Variants in BMP7 observed in about 807,000 individuals in gnomAD.
The protein encoded by BMP7 is bone morphogenetic protein 7.
In BMP7, 12 loss-of-function variants were observed where a neutral mutation model predicts 41.2. The observed-to-expected ratio is 0.29, with a 90% CI of 0.19 to 0.47. The LOEUF (loss-of-function observed/expected upper bound fraction) is 0.47, where lower values mean the gene tolerates loss of function less well. Ranked by LOEUF, BMP7 falls within the 20% of genes least tolerant of loss-of-function variation. The pLI, the probability that BMP7 is intolerant of heterozygous loss-of-function variation, is 0.99. For missense variants in BMP7, 467 were observed against 606.0 expected, an observed-to-expected ratio of 0.77 and a Z score of 2.41; for synonymous variants, 248 against 250.0, an observed-to-expected ratio of 0.99 and a Z score of 0.07.
chr20:57,200,460 TG>T (rs1275965312), intron 3 of BMP7, among the ~76,000 whole-genome samples: 2 of 152,092 alleles, frequency 1.3e-5, no homozygotes, highest in Non-Finnish European at 2.9e-5. Flanking sequence ...TGACTGTGTC[TG>T]GGGGGAATGA....
chr20:57,188,866 G>T (rs542645648), intron 3 of BMP7, among the ~76,000 whole-genome samples: 1 of 152,228 alleles, frequency 6.6e-6, no homozygotes, highest in South Asian at 2.1e-4. Flanking sequence ...AGTGAGGAAG[G>T]CCTTTGAGCT....
At chr20:57,263,305 A>G (rs2066161064) in intron 1 of BMP7, among the ~76,000 whole-genome samples, 1 of 152,222 alleles carries the variant, frequency 6.6e-6, no homozygotes, top group Non-Finnish European at 1.5e-5. Flanking sequence ...TGTCCTTTCA[A>G]GATGAAAGAA....
At chr20:57,222,945 G>A (rs953757057) in intron 2 of BMP7, among the ~76,000 whole-genome samples, 1 of 151,550 alleles carries the variant, frequency 6.6e-6, no homozygotes, top group Non-Finnish European at 1.5e-5. Context: ...GACAATTGTG[G>A]TCTGGACTAC....
chr20:57,245,335 GT>G (rs958788259), intron 1 of BMP7, among the ~76,000 whole-genome samples: 1 of 151,698 alleles, frequency 6.6e-6, no homozygotes, highest in South Asian at 2.1e-4. Flanking sequence ...CAAAAAAGTG[GT>G]GTTTTTTTTT....
intron 4 of BMP7, among the ~76,000 whole-genome samples, chr20:57,180,531 A>G (rs1984056738): frequency 6.6e-6 from 1 of 152,104 alleles, no homozygotes; most frequent in African/African-American, 2.4e-5. Flanking sequence ...TGGGTCTGTT[A>G]CTATGTATGG....
At chr20:57,257,137 C>A (rs1162180430) in intron 1 of BMP7, among the ~76,000 whole-genome samples, 2 of 152,124 alleles carry the variant, frequency 1.3e-5, no homozygotes, top group Non-Finnish European at 2.9e-5. Context: ...ACCCTGAACC[C>A]ACGATAGAGC....
intron 2 of BMP7, among the ~76,000 whole-genome samples, chr20:57,209,938 G>T (rs1381385931): frequency 6.6e-6 from 1 of 152,128 alleles, no homozygotes; most frequent in South Asian, 2.1e-4. Flanking sequence ...CTAGGTGAGG[G>T]GGCAAGCCTG....
intron 2 of BMP7, among the ~76,000 whole-genome samples, chr20:57,220,477 T>C (rs1271934968): frequency 1.3e-5 from 2 of 152,216 alleles, no homozygotes; most frequent in African/African-American, 4.8e-5. Flanking sequence ...TGTTAATACA[T>C]TTGGAAAAAT....
intron 1 of BMP7, among the ~76,000 whole-genome samples, chr20:57,235,115 A>G (rs975323809): frequency 6.6e-6 from 1 of 152,206 alleles, no homozygotes; most frequent in African/African-American, 2.4e-5. Flanking sequence ...AGACCTGACT[A>G]TGGAATCACA....
intron 1 of BMP7, among the ~76,000 whole-genome samples, chr20:57,231,054 T>C (rs917130475): frequency 6.6e-6 from 1 of 152,142 alleles, no homozygotes; most frequent in African/African-American, 2.4e-5. Flanking sequence ...GTCACGGAGA[T>C]TCCTCCAGGT....
intron 3 of BMP7, among the ~76,000 whole-genome samples, chr20:57,186,170 A>T (rs8120048): frequency 0.018 from 2,788 of 152,336 alleles, 93 homozygotes; most frequent in African/African-American, 0.064. Flanking sequence ...GAAAGTGTGT[A>T]CAGCCTGACA....
intron 1 of BMP7, among the ~76,000 whole-genome samples, chr20:57,262,519 A>G (rs938133074): frequency 6.6e-6 from 1 of 152,190 alleles, no homozygotes; most frequent in African/African-American, 2.4e-5. Flanking sequence ...CTGGCAAAAA[A>G]CTTGAATTCC....
intron 1 of BMP7, among the ~76,000 whole-genome samples, chr20:57,235,617 G>A (rs1217962163): frequency 3.9e-5 from 6 of 152,154 alleles, no homozygotes; most frequent in Non-Finnish European, 8.8e-5. Flanking sequence ...GAAGAACGGA[G>A]GCCCACTAGT....
At chr20:57,181,463 G>A (rs904928373) in intron 4 of BMP7, among the ~76,000 whole-genome samples, 2 of 148,676 alleles carry the variant, frequency 1.3e-5, no homozygotes, top group Non-Finnish European at 3.0e-5. Flanking sequence ...ACCACTGCAC[G>A]CCAGCCTGGG....
At chr20:57,245,337 GT>G (rs914485457) in intron 1 of BMP7, among the ~76,000 whole-genome samples, 1 of 143,214 alleles carries the variant, frequency 7.0e-6, no homozygotes, top group African/African-American at 2.5e-5. Flanking sequence ...AAAAAGTGGT[GT>G]TTTTTTTTAA....
chr20:57,232,947 C>G (rs2066034644), intron 1 of BMP7, among the ~76,000 whole-genome samples: 1 of 151,708 alleles, frequency 6.6e-6, no homozygotes, highest in African/African-American at 2.4e-5. Context: ...CAAATCTCAT[C>G]TTTCCAAGGT....
chr20:57,203,847 T>C (rs770228746), intron 2 of BMP7, among the ~76,000 whole-genome samples: 9 of 152,238 alleles, frequency 5.9e-5, no homozygotes, highest in Non-Finnish European at 1.0e-4. Context: ...CTGGTGATTA[T>C]AGTGAATCTT....
chr20:57,265,413 C>G (rs537435208), intron 1 of BMP7, among the ~76,000 whole-genome samples: 1 of 152,390 alleles, frequency 6.6e-6, no homozygotes, highest in South Asian at 2.1e-4. Context: ...GCGCTTTGAA[C>G]GGCCCTTGCC....
At position 57,171,845 on chromosome 20, in the gene BMP7, G is replaced by C. The variant is rs937040605; in HGVS notation, c.1147-737C>G. Among the ~76,000 whole-genome samples, 1 of 152,148 alleles carries C rather than the reference G, an allele frequency of 6.6e-6. No homozygotes were observed. The highest frequency in any genetic ancestry group is 2.4e-5 in the African/African-American group (1 of 41,438). On this transcript the variant is annotated intron_variant, in intron 6 of 6. Transcript: ENST00000395863. The surrounding 1 kb of genome is among the most constrained non-coding windows in gnomAD (Gnocchi z 4.5). ...CCAGCATGCTTTTTACACATTTTAT[G>C]ATGGACAATTTCAAACTCTTACACA...
Sources: allele counts gnomAD v4.1 joint callset (sites outside exome capture counted in the v4.1 genomes callset), GRCh38; gene constraint gnomAD v4.1.1; non-coding constraint Gnocchi (gnomAD v3.1); transcripts MANE v1.5; gene names NCBI Gene and HGNC (gene_info 2026-07-23, HGNC 2026-07-21).